TBXAS1: variants seen among roughly 807,000 people sequenced by gnomAD.
TBXAS1 encodes the protein thromboxane-A synthase.
TBXAS1 carries 48 observed loss-of-function variants against 60.7 expected under a neutral mutation model. The observed-to-expected ratio is 0.79, with a 90% CI of 0.63 to 1.01. TBXAS1 has a LOEUF of 1.01. Among genes scored for constraint, TBXAS1 ranks in the 50% least tolerant of loss-of-function variants. The probability of loss-of-function intolerance (pLI) is 0.00; values close to 1 mark genes in which losing one functional copy is unlikely to be tolerated. For synonymous variants in TBXAS1, 287 were observed against 269.7 expected (o/e 1.06, Z -0.63); for missense variants, 685 against 686.3 (o/e 1.00, Z 0.02).
At chr7:139,986,561 T>C (rs935458431) in intron 9 of TBXAS1, among the ~76,000 whole-genome samples, 33 of 151,590 alleles carry the variant, frequency 2.2e-4, no homozygotes, top group Non-Finnish European at 2.9e-4. Context: ...GTATCATTCT[T>C]ATGCCTTTGC....
intron 9 of TBXAS1, among the ~76,000 whole-genome samples, chr7:139,968,408 C>T (rs1413117408): frequency 3.3e-5 from 5 of 152,192 alleles, no homozygotes; most frequent in African/African-American, 1.2e-4. Context: ...GATTCTCCTG[C>T]CTCAGCCTCC....
chr7:139,984,676 AAAG>A (rs1363267301), intron 9 of TBXAS1, among the ~76,000 whole-genome samples: 3 of 149,864 alleles, frequency 2.0e-5, no homozygotes, highest in African/African-American at 2.5e-5. Context: ...AGAAAGAAGA[AAAG>A]AAGAAGAAAG....
chr7:139,971,842 T>C (rs1211421018), intron 9 of TBXAS1, among the ~76,000 whole-genome samples: 1 of 152,144 alleles, frequency 6.6e-6, no homozygotes, highest in Non-Finnish European at 1.5e-5. Context: ...ACAGCACTAT[T>C]TAATCTCCTT....
chr7:139,931,210 T>C (rs1040135314), intron 4 of TBXAS1, among the ~76,000 whole-genome samples: 12 of 152,182 alleles, frequency 7.9e-5, no homozygotes, highest in Non-Finnish European at 1.3e-4. Flanking sequence ...CTTGTCTCTT[T>C]CTCTCCTTTT....
chr7:139,998,327 A>AGTTTGT (rs1028316083), intron 9 of TBXAS1, among the ~76,000 whole-genome samples: 4 of 152,094 alleles, frequency 2.6e-5, no homozygotes, highest in African/African-American at 9.7e-5. Context: ...TTGAGCTCTA[A>AGTTTGT]GTTTGTGTTT....
chr7:139,782,622 A>G (rs919811818), intron 2 of TBXAS1: 1 of 152,050 alleles, frequency 6.6e-6, no homozygotes, highest in Non-Finnish European at 1.5e-5. Flanking sequence ...TGTGGCTTGT[A>G]TCTTATTCTC....
chr7:139,935,634 CATT>C (rs1294953226), intron 4 of TBXAS1, among the ~76,000 whole-genome samples: 2 of 151,724 alleles, frequency 1.3e-5, no homozygotes, highest in Non-Finnish European at 2.9e-5. Context: ...AACACAGAAA[CATT>C]ATGGCAGGCA....
At chr7:139,958,765 A>AG (rs1236349101) in intron 8 of TBXAS1, among the ~76,000 whole-genome samples, 1 of 152,242 alleles carries the variant, frequency 6.6e-6, no homozygotes, top group African/African-American at 2.4e-5. Context: ...GGGAAGGTGT[A>AG]GGCAAGCTTG....
intron 10 of TBXAS1, among the ~76,000 whole-genome samples, 171 bp from the exon 11 acceptor site, chr7:140,015,552 T>A (rs1814959351): frequency 6.6e-6 from 1 of 152,064 alleles, no homozygotes; most frequent in African/African-American, 2.4e-5. Flanking sequence ...AGGGGCTTGG[T>A]CACCCTGGGA....
intron 1 of TBXAS1, among the ~76,000 whole-genome samples, chr7:139,845,828 T>TTG (rs1435775562): frequency 6.6e-6 from 1 of 151,112 alleles, no homozygotes; most frequent in East Asian, 1.9e-4. Context: ...CTCTAGTTTT[T>TTG]TTTTTTTTTT....
At chr7:139,878,221 G>A (rs1178356784) in intron 3 of TBXAS1, among the ~76,000 whole-genome samples, 1 of 133,372 alleles carries the variant, frequency 7.5e-6, no homozygotes, top group African/African-American at 2.9e-5. Flanking sequence ...GAGATAGAGA[G>A]AGATAGAAGA....
chr7:139,893,825 A>G (rs1395822686), intron 3 of TBXAS1, among the ~76,000 whole-genome samples: 1 of 152,200 alleles, frequency 6.6e-6, no homozygotes, highest in East Asian at 1.9e-4. Flanking sequence ...ACTAAGTTTT[A>G]TTAACTGAAT....
chr7:140,011,343 G>GGA (rs1554508538), intron 10 of TBXAS1, among the ~76,000 whole-genome samples: 150 of 148,602 alleles, frequency 1.0e-3, no homozygotes, highest in African/African-American at 3.6e-3. Context: ...AAAAAAAAAA[G>GGA]AAAAAAAAGG....
intron 3 of TBXAS1, among the ~76,000 whole-genome samples, chr7:139,881,464 C>A (rs531200565): frequency 0.033 from 5,068 of 151,374 alleles, 260 homozygotes; most frequent in African/African-American, 0.12. Context: ...TTCCCCCCCT[C>A]CAGGAGGGTA....
At chr7:139,892,230 G>C (rs892870384) in intron 3 of TBXAS1, among the ~76,000 whole-genome samples, 2 of 152,102 alleles carry the variant, frequency 1.3e-5, no homozygotes, top group Non-Finnish European at 2.9e-5. Context: ...TCTGGGTTCT[G>C]GTCTTAGCTC....
At chr7:139,873,508 T>C (rs978291605) in intron 2 of TBXAS1, among the ~76,000 whole-genome samples, 1 of 152,188 alleles carries the variant, frequency 6.6e-6, no homozygotes, top group African/African-American at 2.4e-5. Context: ...TGAAGAACTC[T>C]TGTGACAAAT....
At chr7:139,924,005 A>G (rs1259231953) in intron 4 of TBXAS1, among the ~76,000 whole-genome samples, 1 of 152,162 alleles carries the variant, frequency 6.6e-6, no homozygotes, top group African/African-American at 2.4e-5. Context: ...TTGTACTCCC[A>G]TTGTATATAT....
intron 3 of TBXAS1, among the ~76,000 whole-genome samples, chr7:139,881,093 G>C (rs890745368): frequency 6.6e-6 from 1 of 152,150 alleles, no homozygotes; most frequent in Non-Finnish European, 1.5e-5. Flanking sequence ...TTTTCTGAGG[G>C]ATCCTTTGCC....
At chr7:139,798,965 A>G (rs917023096) in intron 4 of TBXAS1, among the ~76,000 whole-genome samples, 4 of 151,410 alleles carry the variant, frequency 2.6e-5, no homozygotes, top group African/African-American at 9.7e-5. Context: ...CCCTGTCCTC[A>G]CTCTGAAACA....
Sources: allele counts gnomAD v4.1 joint callset (sites outside exome capture counted in the v4.1 genomes callset), GRCh38; gene constraint gnomAD v4.1.1; transcripts MANE v1.5; gene names NCBI Gene and HGNC (gene_info 2026-07-23, HGNC 2026-07-21).